HCN1: variants seen among roughly 807,000 people sequenced by gnomAD.
HCN1 encodes the protein potassium/sodium hyperpolarization-activated cyclic nucleotide-gated channel 1.
HCN1 carries 13 observed loss-of-function variants against 78.9 expected under a neutral mutation model. That is an observed-to-expected ratio of 0.16 (90% CI 0.11 to 0.26). The LOEUF (loss-of-function observed/expected upper bound fraction) is 0.26. Among genes scored for constraint, HCN1 ranks in the 10% least tolerant of loss-of-function variants. The probability of loss-of-function intolerance (pLI) is 1.00; values close to 1 mark genes in which losing one functional copy is unlikely to be tolerated. For synonymous variants in HCN1, 552 were observed against 455.5 expected (o/e 1.21, Z -2.70); for missense variants, 810 against 1,154.3 (o/e 0.70, Z 4.32).
intron 2 of HCN1, among the ~76,000 whole-genome samples, chr5:45,546,590 T>G (rs1286259922): frequency 2.6e-5 from 4 of 151,936 alleles, no homozygotes; most frequent in Non-Finnish European, 4.4e-5. Flanking sequence ...TTACTTCGTT[T>G]CTTTATAATT....
intron 3 of HCN1, among the ~76,000 whole-genome samples, chr5:45,455,793 C>T (rs1741018109): frequency 6.9e-6 from 1 of 145,558 alleles, no homozygotes. Context: ...GGGTTGAGGG[C>T]ATTATAGCAG....
At chr5:45,624,679 A>G (rs1745128789) in intron 2 of HCN1, among the ~76,000 whole-genome samples, 1 of 152,060 alleles carries the variant, frequency 6.6e-6, no homozygotes, top group Admixed American at 6.6e-5. Context: ...CCTAGTGGAA[A>G]GTGTGAAGGA....
At chr5:45,495,868 T>G (rs1391823584) in intron 2 of HCN1, among the ~76,000 whole-genome samples, 1 of 152,238 alleles carries the variant, frequency 6.6e-6, no homozygotes, top group Non-Finnish European at 1.5e-5. Flanking sequence ...TCATGTGGTT[T>G]TGGTCTTTGG....
intron 4 of HCN1, among the ~76,000 whole-genome samples, chr5:45,374,108 A>G (rs1259340584): frequency 6.5e-4 from 45 of 68,906 alleles, no homozygotes; most frequent in South Asian, 2.7e-3. Context: ...AATATATATT[A>G]TATACATAAT....
At position 45,330,987 on chromosome 5, in the gene HCN1, G is replaced by T. The variant is rs577269450; in HGVS notation, c.1377+22113C>A. Among the ~76,000 whole-genome samples the T allele has an allele frequency of 3.8e-3, 569 of 150,932 alleles. 2 individuals carry two copies. Among genetic ancestry groups the T allele is most frequent in the African/African-American group, 0.013 (548 of 41,374 alleles). On this transcript the variant is annotated intron_variant, in intron 5 of 7. Coordinates refer to ENST00000303230, the MANE Select transcript of HCN1 (RefSeq NM_021072.4). ...ATCTGTCTTACTTTAACCACTTTTT[G>T]TTTTCCTTGAAATATATAATTTAGA...
intron 2 of HCN1, among the ~76,000 whole-genome samples, chr5:45,618,216 A>C (rs991785893): frequency 2.6e-4 from 39 of 152,056 alleles, no homozygotes; most frequent in African/African-American, 9.4e-4. Flanking sequence ...TTACAAAATG[A>C]AGTCAGGGAA....
At chr5:45,668,838 C>A (rs1027691567) in intron 1 of HCN1, among the ~76,000 whole-genome samples, 1 of 151,724 alleles carries the variant, frequency 6.6e-6, no homozygotes, top group Non-Finnish European at 1.5e-5. Context: ...AAAAAAAATT[C>A]TGCACTTAAG....
chr5:45,542,850 T>C (rs1356232040), intron 2 of HCN1, among the ~76,000 whole-genome samples: 1 of 152,188 alleles, frequency 6.6e-6, no homozygotes, highest in Non-Finnish European at 1.5e-5. Flanking sequence ...TCAGTGTATG[T>C]TCAAGCAATT....
intron 2 of HCN1, among the ~76,000 whole-genome samples, chr5:45,568,795 C>A (rs529765717): frequency 6.6e-6 from 1 of 151,860 alleles, no homozygotes; most frequent in African/African-American, 2.4e-5. Context: ...AAATTATGTA[C>A]GTAAGGGCTC....
At chr5:45,458,001 T>TA (rs147155436) in intron 3 of HCN1, among the ~76,000 whole-genome samples, 9 of 152,238 alleles carry the variant, frequency 5.9e-5, no homozygotes, top group African/African-American at 2.2e-4. Flanking sequence ...ATTGACTTTT[T>TA]AAAAATAATA....
intron 5 of HCN1, among the ~76,000 whole-genome samples, chr5:45,318,976 T>A (rs1433272504): frequency 2.0e-5 from 3 of 152,020 alleles, no homozygotes; most frequent in Non-Finnish European, 4.4e-5. Flanking sequence ...TTGGTTCTTT[T>A]ACTCACCATT....
chr5:45,478,255 G>A (rs1205155966), intron 2 of HCN1, among the ~76,000 whole-genome samples: 1 of 151,972 alleles, frequency 6.6e-6, no homozygotes, highest in African/African-American at 2.4e-5. Flanking sequence ...GGGTGCTCAG[G>A]GTAAATCAGT....
intron 2 of HCN1, chr5:45,479,978 A>T (rs544589756): frequency 6.6e-6 from 1 of 152,558 alleles, no homozygotes; most frequent in Non-Finnish European, 1.5e-5. Context: ...TTACACAAAA[A>T]CTTCTAATGA....
intron 5 of HCN1, among the ~76,000 whole-genome samples, chr5:45,315,846 C>A (rs1745976881): frequency 6.6e-6 from 1 of 152,144 alleles, no homozygotes; most frequent in Non-Finnish European, 1.5e-5. Context: ...CACATACACC[C>A]TCCCAAGAAT....
intron 2 of HCN1, among the ~76,000 whole-genome samples, chr5:45,572,972 G>C (rs1743864799): frequency 6.6e-6 from 1 of 152,098 alleles, no homozygotes; most frequent in African/African-American, 2.4e-5. Context: ...CGTCAGGAAA[G>C]GATCTATTGA....
chr5:45,305,038 T>C (rs1347612938), intron 5 of HCN1, among the ~76,000 whole-genome samples: 1 of 152,144 alleles, frequency 6.6e-6, no homozygotes, highest in Non-Finnish European at 1.5e-5. Context: ...CCTTACCAAT[T>C]AGTTACCCCA....
intron 2 of HCN1, among the ~76,000 whole-genome samples, chr5:45,527,629 G>C (rs1561189571): frequency 1.5e-5 from 2 of 137,766 alleles, no homozygotes; most frequent in Non-Finnish European, 3.1e-5. Flanking sequence ...CTCTCTCTCT[G>C]TCTCTCTCTC....
chr5:45,661,175 G>T (rs1172378319), intron 1 of HCN1, among the ~76,000 whole-genome samples: 2 of 142,066 alleles, frequency 1.4e-5, no homozygotes, highest in African/African-American at 5.3e-5. Flanking sequence ...CAACTACATG[G>T]AAACTGAACA....
At chr5:45,375,106 TAATA>T (rs1356018943) in intron 4 of HCN1, among the ~76,000 whole-genome samples, 1 of 124,604 alleles carries the variant, frequency 8.0e-6, no homozygotes, top group East Asian at 2.1e-4. Context: ...TAATATTTTA[TAATA>T]TATAATATAT....
Sources: allele counts gnomAD v4.1 joint callset (sites outside exome capture counted in the v4.1 genomes callset), GRCh38; gene constraint gnomAD v4.1.1; transcripts MANE v1.5; gene names NCBI Gene and HGNC (gene_info 2026-07-23, HGNC 2026-07-21).